The following USP9X variants were observed in gnomAD, a reference collection of about 807,000 sequenced individuals.
USP9X encodes the protein ubiquitin specific peptidase 9 X-linked.
In USP9X, 7 loss-of-function variants were observed where a neutral mutation model predicts 190.3. The ratio of observed to expected loss-of-function variants is 0.04; its 90% confidence interval spans 0.02 to 0.07. The LOEUF is 0.07. USP9X is among the 10% of genes least tolerant of loss of function. The pLI is 1.00. For synonymous variants in USP9X, 645 were observed against 659.5 expected (o/e 0.98, Z 0.34); for missense variants, 1,010 against 1,916.9 (o/e 0.53, Z 8.83).
chrX:41,089,739 T>C lies in USP9X; in HGVS notation c.-159+3630T>C, dbSNP rs183235799. On this transcript the variant is annotated intron_variant, in intron 1 of 44. Coordinates refer to ENST00000378308, the MANE Select transcript of USP9X (RefSeq NM_001039591.3). ...TGATTAAGCGTTTTGAATTTTGTGT[T>C]GTTTTGGGATTGATGTATAATTGTT... 6.8e-3 allele frequency among the ~76,000 whole-genome samples: 752 copies of C among 110,268 alleles called. 5 individuals are homozygous for C. Among genetic ancestry groups the C allele is most frequent in the Middle Eastern group, 0.019 (4 of 213 alleles).
At chrX:41,180,941 TTC>T (rs778528920) in intron 21 of USP9X, among the ~76,000 whole-genome samples, 2 of 111,526 alleles carry the variant, frequency 1.8e-5, no homozygotes, top group South Asian at 3.8e-4. Context: ...AAGCTAATGA[TTC>T]TCTCTTTCCC....
intron 28 of USP9X, 33 bp from the exon 29 acceptor site, chrX:41,197,331 T>TCG: frequency 8.2e-6 from 4 of 486,763 alleles, no homozygotes; most frequent in Non-Finnish European, 1.2e-5. Context: ...TTTGATTTCT[T>TCG]CCCCCCCCCA....
rs1272124743 is a variant in USP9X at position 41,171,910 on chromosome X, C to T, written c.3100C>T (p.Pro1034Ser). Reference sequence around the variant, plus strand: ...AGACTTAGGTAGCAGCCTAAATATGCCACCCCTTAGAGATGGAGCAAGAGT... The same window carrying T: ...AGACTTAGGTAGCAGCCTAAATATGTCACCCCTTAGAGATGGAGCAAGAGT... ...VADLGSSLNM[P>S]PLRDGARVLM... Residue 1034 changes from proline to serine, a missense_variant, in exon 21 of 45, where the codon CCA becomes TCA. By Grantham distance (74) the Pro-to-Ser change is moderately conservative. This residue lies in a region of USP9X where 351 missense variants were observed against 480.8 expected (regional missense o/e 0.73). Coordinates refer to ENST00000378308, the MANE Select transcript of USP9X (RefSeq NM_001039591.3). 10 of 1,208,816 alleles carry T rather than the reference C, an allele frequency of 8.3e-6. No individual in the cohort carries two copies. Among genetic ancestry groups the T allele is most frequent in the Non-Finnish European group, 1.0e-5 (9 of 894,643 alleles).
intron 23 of USP9X, 200 bp downstream of exon 23, chrX:41,184,875 T>G: frequency 2.7e-6 from 1 of 369,861 alleles, no homozygotes; most frequent in Non-Finnish European, 4.6e-6. Flanking sequence ...AGTTTCTCCC[T>G]GCCCACTTAA....
chrX:41,126,191 GT>G (rs1477669115), intron 2 of USP9X, among the ~76,000 whole-genome samples: 3 of 111,381 alleles, frequency 2.7e-5, no homozygotes, highest in Non-Finnish European at 5.7e-5. Flanking sequence ...CAAGTCGGGG[GT>G]TTTTTCTCCC....
At chrX:41,125,718 T>TCTCTCTCTCTCTCTCGCGCG (rs1176200100) in intron 2 of USP9X, among the ~76,000 whole-genome samples, 1 of 99,196 alleles carries the variant, frequency 1.0e-5, no homozygotes, top group African/African-American at 4.1e-5. Context: ...TCTCTCTCTC[T>TCTCTCTCTCTCTCTCGCGCG]CGCGCACGCG....
chrX:41,106,383 T>C (rs2062068871), intron 1 of USP9X, among the ~76,000 whole-genome samples: 1 of 111,472 alleles, frequency 9.0e-6, no homozygotes, highest in African/African-American at 3.3e-5. Flanking sequence ...CAATGCATTT[T>C]AAGTCAGTTA....
chrX:41,215,892 A>AT lies in USP9X; in HGVS notation c.5332-3dup, dbSNP rs1255328751. The AT allele has an allele frequency of 2.5e-5, 29 of 1,164,039 alleles. No individual in the cohort carries two copies. Among genetic ancestry groups the AT allele is most frequent in the Non-Finnish European group, 3.1e-5 (27 of 871,087 alleles). ...AACATCTGGTAACTTTGTCTTGTTTATTTTAGGTTGATACCGTAAAGCGCT... is the reference window on the plus strand; with the variant it reads ...AACATCTGGTAACTTTGTCTTGTTTATTTTTAGGTTGATACCGTAAAGCGCT... On this transcript the variant is annotated splice_region_variant and splice_polypyrimidine_tract_variant and intron_variant, in intron 34 of 44. Coordinates refer to ENST00000378308, the MANE Select transcript of USP9X (RefSeq NM_001039591.3).
chrX:41,176,675 G>A (rs1412737189), intron 21 of USP9X, among the ~76,000 whole-genome samples: 1 of 111,962 alleles, frequency 8.9e-6, no homozygotes, highest in Non-Finnish European at 1.9e-5. Context: ...CAGCTGAGGG[G>A]GCTTTTTGCT....
intron 18 of USP9X, 53 bp downstream of exon 18, chrX:41,168,271 C>T: frequency 1.9e-6 from 2 of 1,026,838 alleles, no homozygotes; most frequent in South Asian, 6.2e-5. Flanking sequence ...TGATATTTTC[C>T]TAGCCATTTG....
chrX:41,133,696 T>C (rs1369505976), intron 4 of USP9X, among the ~76,000 whole-genome samples: 1 of 112,316 alleles, frequency 8.9e-6, no homozygotes, highest in Non-Finnish European at 1.9e-5. Context: ...GTGATGTTTG[T>C]CTTTCTGTGC....
Position 41,116,782 on chromosome X carries a change from T to C in USP9X, c.-158-6689T>C, listed in dbSNP as rs1053555563. 2.0e-4 allele frequency among the ~76,000 whole-genome samples: 22 copies of C among 111,857 alleles called. No homozygotes were observed. In the East Asian group the frequency reaches 3.3e-3, roughly 17 times the overall value. On this transcript the variant is annotated intron_variant, in intron 1 of 44. Transcript: ENST00000378308. ...AAAGCAATTCTCATGGCTTTCTTTT[T>C]TTTGTGTGGGTAATAGCATCTCAAT... is the stretch of plus-strand genomic sequence containing the variant.
intron 14 of USP9X, among the ~76,000 whole-genome samples, chrX:41,155,681 T>C (rs926891656): frequency 1.9e-5 from 2 of 104,839 alleles, no homozygotes; most frequent in African/African-American, 7.0e-5. Context: ...GATCCTGTGC[T>C]AGATTTTCTC....
intron 21 of USP9X, among the ~76,000 whole-genome samples, chrX:41,175,772 T>TACACACACACAC (rs769385399): frequency 0.12 from 13,135 of 109,999 alleles, 768 homozygotes; most frequent in East Asian, 0.19. Context: ...ACTATATATA[T>TACACACACACAC]ACACACACAC....
At chrX:41,184,858 T>C in intron 23 of USP9X, 183 bp downstream of exon 23, 2 of 397,539 alleles carry the variant, frequency 5.0e-6, no homozygotes, top group South Asian at 1.1e-4. Flanking sequence ...GCTGATAATC[T>C]GAGGGTAGTT....
chrX:41,111,864 A>C (rs1339994165), intron 1 of USP9X, among the ~76,000 whole-genome samples: 1 of 76,418 alleles, frequency 1.3e-5, no homozygotes, highest in African/African-American at 5.2e-5. Context: ...TTTTTTTTTG[A>C]GACGGAGTTT....
intron 31 of USP9X, among the ~76,000 whole-genome samples, chrX:41,203,929 T>G (rs919760499): frequency 4.5e-5 from 5 of 111,390 alleles, no homozygotes; most frequent in African/African-American, 1.6e-4. Context: ...AACTCCTGAT[T>G]TCAGGTGATC....
chrX:41,181,435 C>CTTTTT lies in USP9X; in HGVS notation c.3149-2538_3149-2534dup, dbSNP rs200403625. Among the ~76,000 whole-genome samples, 171 of 38,535 alleles carry CTTTTT rather than the reference C, an allele frequency of 4.4e-3. 44 individuals carry two copies. The highest frequency in any genetic ancestry group is 7.1e-3 in the East Asian group (10 of 1,412). The allele number at this position is 38,535 out of a possible 115,157, so 33.5% of individuals were successfully genotyped here. A position where few individuals can be genotyped will look rare whatever the true frequency, so the allele number is the denominator to read the frequency against. ...TACAGGTACACACCACCACACCTGA[C>CTTTTT]TTTTTTTTTTTTTTTTTTTTTTTTT... On this transcript the variant is annotated intron_variant, in intron 21 of 44. Transcript: ENST00000378308.
At chrX:41,095,375 C>A (rs1331541095) in intron 1 of USP9X, among the ~76,000 whole-genome samples, 1 of 111,793 alleles carries the variant, frequency 8.9e-6, no homozygotes, top group Non-Finnish European at 1.9e-5. Flanking sequence ...GGTTTTTTAA[C>A]CCTATTGACA....
Sources: gnomAD v4.1 joint callset for allele counts (sites outside exome capture counted in the v4.1 genomes callset) on GRCh38, gnomAD v4.1.1 for gene constraint, gnomAD v4.1.1 regional missense constraint, MANE v1.5 for transcripts, NCBI Gene and HGNC (gene_info 2026-07-23, HGNC 2026-07-21) for gene names.